The following PGBD5 variants were observed in gnomAD, a reference collection of about 807,000 sequenced individuals.
PGBD5 encodes piggyBac transposable element derived 5, also known as piggyBac transposable element-derived protein 5.
PGBD5 carries 14 observed loss-of-function variants against 47.9 expected under a neutral mutation model. The ratio of observed to expected loss-of-function variants is 0.29; its 90% CI spans 0.19 to 0.46. PGBD5 has a LOEUF of 0.46. Among genes scored for constraint, PGBD5 ranks in the 20% least tolerant of loss-of-function variants. The pLI is 1.00. For synonymous variants in PGBD5, 316 were observed against 306.3 expected (o/e 1.03, Z -0.33); for missense variants, 635 against 716.0 (o/e 0.89, Z 1.29).
chr1:230,367,084 C>A (rs895244097), intron 1 of PGBD5, among the ~76,000 whole-genome samples: 1 of 151,974 alleles, frequency 6.6e-6, no homozygotes, highest in African/African-American at 2.4e-5. Flanking sequence ...AGGTAACTTG[C>A]TAATTTCTTC....
chr1:230,351,328 C>T (rs1298309825), intron 2 of PGBD5, among the ~76,000 whole-genome samples: 1 of 152,164 alleles, frequency 6.6e-6, no homozygotes, highest in Non-Finnish European at 1.5e-5. Flanking sequence ...TAGCACCGGC[C>T]CTGATACACA....
At chr1:230,418,095 C>T (rs567877564) in intron 1 of PGBD5, among the ~76,000 whole-genome samples, 2 of 152,240 alleles carry the variant, frequency 1.3e-5, no homozygotes, top group Admixed American at 6.5e-5. Context: ...AGGACAGCCC[C>T]CCACCAGCAA....
At position 230,327,216 on chromosome 1, in the gene PGBD5, A is replaced by ATTTT. The variant is rs752888686; in HGVS notation, c.1274-1805_1274-1802dup. Among the ~76,000 whole-genome samples, 3 of 147,556 alleles carry ATTTT rather than the reference A, an allele frequency of 2.0e-5. No individual in the cohort carries two copies. In the East Asian group the frequency reaches 5.9e-4, roughly 29 times the overall value. On this transcript the variant is annotated intron_variant, in intron 5 of 6. Coordinates refer to ENST00000391860, the MANE Select transcript of PGBD5 (RefSeq NM_001258311.2). ...TATGGGCACAGTGCCATTTTTCTGT[A>ATTTT]TTTTTTTTTTTAAGGCATTGGCTCA...
In PGBD5 at chr1:230,425,813, T is replaced by G; in HGVS notation, c.116A>C (p.Asp39Ala). 8.3e-7 allele frequency: 1 copy of G among 1,208,114 alleles called. No individual in the cohort carries two copies. Among genetic ancestry groups the G allele is most frequent in the Non-Finnish European group, 1.0e-6 (1 of 973,204 alleles). 74.8% of individuals were successfully genotyped at this position (1,208,114 alleles called of 1,614,324 possible). ...SDDVFGESGP[D>A]SGGNPFYSTS... ...GCTGTAGAAGGGGTTCCCGCCGCTG[T>G]CCGGGCCGGACTCGCCGAACACGTC... The change falls in exon 1 of 7, where the codon GAC (aspartate) becomes GCC (alanine). Residue 39 changes from aspartate to alanine, a missense_variant. By Grantham distance (126) the Asp-to-Ala change is moderately radical. Transcript: ENST00000391860. The surrounding 1 kb of genome is among the most constrained non-coding windows in gnomAD (Gnocchi z 4.7).
chr1:230,368,113 TGACCACACA>T, intron 1 of PGBD5: 1 of 1,367,948 alleles, frequency 7.3e-7, no homozygotes, highest in Non-Finnish European at 9.8e-7. Context: ...GCTCAAGTTC[TGACCACACA>T]GATGGTGGTG....
At chr1:230,348,382 G>A (rs1377188822) in intron 3 of PGBD5, among the ~76,000 whole-genome samples, 1 of 152,234 alleles carries the variant, frequency 6.6e-6, no homozygotes, top group Admixed American at 6.5e-5. Context: ...GACGAGGGAA[G>A]AGGCAGGTTG....
At chr1:230,333,814 C>T (rs1412518834) in intron 4 of PGBD5, among the ~76,000 whole-genome samples, 2 of 152,170 alleles carry the variant, frequency 1.3e-5, no homozygotes, top group South Asian at 4.1e-4. Context: ...GGCTGGTGGG[C>T]GGTAGAGACC....
At chr1:230,398,954 G>A (rs761825987) in intron 1 of PGBD5, among the ~76,000 whole-genome samples, 3 of 152,030 alleles carry the variant, frequency 2.0e-5, no homozygotes, top group Non-Finnish European at 2.9e-5. Flanking sequence ...GCCAGGCTCC[G>A]ACAAGAGGGA....
intron 5 of PGBD5, among the ~76,000 whole-genome samples, chr1:230,325,904 C>A (rs1411978720): frequency 1.3e-5 from 2 of 151,942 alleles, no homozygotes; most frequent in Non-Finnish European, 2.9e-5. Flanking sequence ...GTCGGCAACT[C>A]GTCACCCCAC....
Position 230,357,234 on chromosome 1 carries a change from A to G in PGBD5, c.419T>C (p.Val140Ala). The G allele has an allele frequency of 3.7e-6, 6 of 1,614,094 alleles. No individual in the cohort carries two copies. In the East Asian group the frequency reaches 6.7e-5, roughly 18 times the overall value. Residue 140 changes from valine to alanine, a missense_variant, in exon 2 of 7, where the codon GTG (valine) becomes GCG (alanine). Physicochemically the swap from Val to Ala is moderately conservative, Grantham distance 64. Coordinates refer to ENST00000391860, the MANE Select transcript of PGBD5 (RefSeq NM_001258311.2). The surrounding 1 kb of genome is among the most constrained non-coding windows in gnomAD (Gnocchi z 5.7). Reference protein sequence around the residue: ...VPDNVLKNMVVQTNMYAKKFQ... With the variant: ...VPDNVLKNMVAQTNMYAKKFQ... ...CTTCTTGGCATACATGTTTGTCTGC[A>G]CCACCATGTTCTTGAGGACGTTGTC...
chr1:230,359,516 T>G (rs1227233536), intron 1 of PGBD5, among the ~76,000 whole-genome samples: 1 of 152,168 alleles, frequency 6.6e-6, no homozygotes, highest in African/African-American at 2.4e-5. Flanking sequence ...CAGCCCAAGT[T>G]TTAGAATCAG....
At chr1:230,392,302 G>C (rs1456282753) in intron 1 of PGBD5, among the ~76,000 whole-genome samples, 1 of 152,150 alleles carries the variant, frequency 6.6e-6, no homozygotes, top group East Asian at 1.9e-4. Context: ...TCCAGGATAA[G>C]AGGATGCCTG....
chr1:230,401,746 A>T (rs951057135), intron 1 of PGBD5, among the ~76,000 whole-genome samples: 3 of 152,172 alleles, frequency 2.0e-5, no homozygotes, highest in African/African-American at 7.2e-5. Context: ...ACCTCTAGTC[A>T]CTGGGCTTCC....
At chr1:230,362,480 G>C (rs1265876051) in intron 1 of PGBD5, 1 of 1,197,428 alleles carries the variant, frequency 8.4e-7, no homozygotes, top group South Asian at 1.5e-5. Flanking sequence ...CTGGAAGGAA[G>C]CCCTCCTGGG....
chr1:230,350,504 A>C (rs989272662), intron 3 of PGBD5, among the ~76,000 whole-genome samples: 9 of 152,196 alleles, frequency 5.9e-5, no homozygotes, highest in African/African-American at 2.2e-4. Context: ...GGCATCCTGG[A>C]AACAGGAAGG....
At position 230,368,296 on chromosome 1, in the gene PGBD5, T is replaced by TC; in HGVS notation, c.332-10976dup. The TC allele has an allele frequency of 4.4e-6, 5 of 1,143,560 alleles. 1 individual carries two copies. The South Asian group carries it at 8.3e-5, about 19-fold the overall frequency. 70.8% of individuals were successfully genotyped at this position (1,143,560 alleles called of 1,614,324 possible). ...TGTGTTGCTGAGGCCAAGTGGCCCC[T>TC]CCCCAAAAAGCAACCGGGAAGAGTG... On this transcript the variant is annotated intron_variant, in intron 1 of 6. Transcript: ENST00000391860.
chr1:230,361,375 G>A (rs537110104), intron 1 of PGBD5, among the ~76,000 whole-genome samples: 31 of 152,228 alleles, frequency 2.0e-4, no homozygotes, highest in Middle Eastern at 3.4e-3. Flanking sequence ...GGTGTGCCTC[G>A]GTGTCTGGGC....
rs1447664075 is a variant in PGBD5, at chr1:230,404,628, AAATATAT to A, written c.331+20963_331+20969del. ...TCTTGTCTCAAAAAAAAAAAAAAAA[AAATATAT>A]ATATATATATATATGGCCTGGCAAG... On this transcript the variant is annotated intron_variant, in intron 1 of 6. Transcript: ENST00000391860. 9.7e-5 allele frequency among the ~76,000 whole-genome samples: 12 copies of A among 123,894 alleles called. No individual in the cohort carries two copies. In the Admixed American group the frequency reaches 9.9e-4, roughly 10 times the overall value. 81.3% of individuals were successfully genotyped at this position (123,894 alleles called of 152,430 possible).
intron 1 of PGBD5, among the ~76,000 whole-genome samples, chr1:230,419,196 G>A (rs1200076211): frequency 8.0e-6 from 1 of 125,256 alleles, no homozygotes; most frequent in Non-Finnish European, 1.6e-5. Flanking sequence ...AGAAAATATG[G>A]TGCACATACA....
Sources: gnomAD v4.1 joint callset for allele counts (sites outside exome capture counted in the v4.1 genomes callset) on GRCh38, gnomAD v4.1.1 for gene constraint, Gnocchi (gnomAD v3.1) non-coding constraint, MANE v1.5 for transcripts, NCBI Gene and HGNC (gene_info 2026-07-23, HGNC 2026-07-21) for gene names.